The following TYK2 variants were observed in gnomAD, a reference collection of about 807,000 sequenced individuals.
TYK2 encodes the protein tyrosine kinase 2.
Under a neutral mutation model 130.9 loss-of-function variants are expected in TYK2, and 65 were observed. That is an observed-to-expected ratio of 0.50 (90% CI 0.41 to 0.61). The LOEUF is 0.61. Among genes scored for constraint, TYK2 ranks in the 20% least tolerant of loss-of-function variants. The probability of loss-of-function intolerance (pLI) is 0.00; values close to 1 mark genes in which losing one functional copy is unlikely to be tolerated. For missense variants in TYK2, 1,378 were observed against 1,610.7 expected, an observed-to-expected ratio of 0.86 and a Z score of 2.47; for synonymous variants, 647 against 658.9, an observed-to-expected ratio of 0.98 and a Z score of 0.28.
rs1482240701 is a variant in TYK2, at chr19:10,365,733, C to G, written c.795G>C (p.Arg265=). Residue 265 remains arginine, a synonymous_variant, in exon 7 of 25, where the codon CGG becomes CGC. Transcript: ENST00000525621. ...GCTCTGTGCCGAAGCGGGGTGCCAG[C>G]CGCTCGAGTGTGGCTAGGTATTTGA... ...VMVKYLATLE[R]LAPRFGTERV... is the part of the protein sequence containing the mutation. The G allele has an allele frequency of 6.2e-7, 1 of 1,613,018 alleles. No individual in the cohort carries two copies. The highest frequency in any genetic ancestry group is 8.5e-7 in the Non-Finnish European group (1 of 1,179,832).
chr19:10,363,181 ATCTC>A lies in TYK2; in HGVS notation c.1368-528_1368-525del, dbSNP rs1284836373. Reference sequence around the variant, plus strand: ...ATGAGCCACTGTGCCCGGCTACCTGATCTCTCTTTTTTTTTTTTTTTTTTTTGAG... The same window carrying A: ...ATGAGCCACTGTGCCCGGCTACCTGATCTTTTTTTTTTTTTTTTTTTTGAG... On this transcript the variant is annotated intron_variant, in intron 9 of 24. Coordinates refer to ENST00000525621, the MANE Select transcript of TYK2 (RefSeq NM_003331.5). 3.6e-5 allele frequency among the ~76,000 whole-genome samples: 5 copies of A among 139,650 alleles called. No individual in the cohort carries two copies. In the South Asian group the frequency reaches 9.2e-4, roughly 26 times the overall value. 91.6% of individuals were successfully genotyped at this position (139,650 alleles called of 152,430 possible).
rs756231936 is a variant in TYK2 at position 10,354,208 on chromosome 19, G to A, written c.2742C>T (p.Tyr914=). ...GEGHFGKVSL[Y]CYDPTNDGTG... is the part of the protein sequence containing the mutation. The stretch of plus-strand genomic sequence containing the variant: ...TGCCGTCGTTGGTCGGATCGTAGCA[G>A]TACAAGCTGACCTTGCCGAAGTGAC... The change falls in exon 20 of 25, where the codon TAC becomes TAT. Residue 914 remains tyrosine, a synonymous_variant. Transcript: ENST00000525621. 1.2e-6 allele frequency: 2 copies of A among 1,613,310 alleles called. No homozygotes were observed. The highest frequency in any genetic ancestry group is 8.5e-7 in the Non-Finnish European group (1 of 1,180,014).
At chr19:10,374,977 A>C (rs1199461474) in intron 3 of TYK2, among the ~76,000 whole-genome samples, 4 of 152,012 alleles carry the variant, frequency 2.6e-5, no homozygotes, top group Non-Finnish European at 4.4e-5. Flanking sequence ...TGAGCCCAGG[A>C]GTTTGAGACC....
chr19:10,369,566 A>C (rs567008471), intron 3 of TYK2, among the ~76,000 whole-genome samples: 4 of 150,568 alleles, frequency 2.7e-5, no homozygotes, highest in African/African-American at 9.8e-5. Context: ...CTTATCTTCA[A>C]CCTCTCCCAC....
chr19:10,363,051 T>C (rs1307589792), intron 9 of TYK2, among the ~76,000 whole-genome samples: 1 of 151,894 alleles, frequency 6.6e-6, no homozygotes, highest in Non-Finnish European at 1.5e-5. Flanking sequence ...AATTTTTATA[T>C]TTTTAGTACA....
chr19:10,358,286 T>A, intron 15 of TYK2, 148 bp from the exon 16 acceptor site: 1 of 737,516 alleles, frequency 1.4e-6, no homozygotes, highest in East Asian at 2.8e-5. Flanking sequence ...GGGGGTTATT[T>A]TTTTCTTGTT....
chr19:10,365,924 G>A, intron 6 of TYK2, 26 bp from the exon 7 acceptor site: 1 of 1,583,408 alleles, frequency 6.3e-7, no homozygotes, highest in South Asian at 1.2e-5. Context: ...GTGAGGGGCT[G>A]GTCAGGGACC....
In TYK2 at chr19:10,359,217, C is replaced by T. The variant is rs2041266554; in HGVS notation, c.2133G>A (p.Lys711=). The T allele has an allele frequency of 5.6e-6, 9 of 1,608,634 alleles. No homozygotes were observed. Among genetic ancestry groups the T allele is most frequent in the Non-Finnish European group, 7.6e-6 (9 of 1,179,924 alleles). ...TGGCCAGCTGCTGGGCCACCACCAT[C>T]TTCCAAGCCATGGGCACATGGCCCC... The part of the protein sequence containing the change: ...RERGHVPMAW[K]MVVAQQLASA... The change falls in exon 15 of 25, where the codon AAG becomes AAA. Residue 711 remains lysine (K), a synonymous_variant. Coordinates refer to ENST00000525621, the MANE Select transcript of TYK2 (RefSeq NM_003331.5).
chr19:10,357,916 G>A lies in TYK2; in HGVS notation c.2314C>T (p.Arg772Trp), dbSNP rs755089851. Residue 772 changes from arginine to tryptophan, a missense_variant and splice_region_variant, in exon 17 of 25, where the codon CGG (arginine) becomes TGG (tryptophan). By Grantham distance (101) the Arg-to-Trp change is moderately radical (BLOSUM62 -3). Transcript: ENST00000525621. The part of the protein sequence containing the change: ...VGLGALSREE[R>W]VERIPWLAPE... Reference sequence around the variant, plus strand: ...GCCAGCCAGGGGATCCTCTCCACCCGCTCTGGGAGGCCAAGGTCAGAGGTC... The same window carrying A: ...GCCAGCCAGGGGATCCTCTCCACCCACTCTGGGAGGCCAAGGTCAGAGGTC... 25 of 1,613,394 alleles carry A rather than the reference G, an allele frequency of 1.5e-5. No individual in the cohort carries two copies. Among genetic ancestry groups the A allele is most frequent in the Middle Eastern group, 1.6e-4 (1 of 6,080 alleles).
chr19:10,366,610 G>A (rs1354513044), intron 5 of TYK2, 30 bp from the exon 6 acceptor site: 4 of 1,613,786 alleles, frequency 2.5e-6, no homozygotes, highest in Middle Eastern at 1.6e-4. Context: ...CAGAAAGGGA[G>A]GTGTGAGAAT....
intron 14 of TYK2, among the ~76,000 whole-genome samples, chr19:10,359,662 A>G (rs1271383266): frequency 2.7e-5 from 4 of 150,604 alleles, no homozygotes; most frequent in South Asian, 2.1e-4. Flanking sequence ...CCTGCCCAAC[A>G]TGATGAAACT....
At chr19:10,362,481 A>G (rs1239506859) in intron 10 of TYK2, 25 bp from the exon 11 acceptor site, 1 of 1,575,604 alleles carries the variant, frequency 6.3e-7, no homozygotes, top group Non-Finnish European at 8.6e-7. Context: ...CAGAGGTGGG[A>G]GCAGTAAGCA....
chr19:10,357,947 G>C (rs749131882), intron 16 of TYK2, 29 bp from the exon 17 acceptor site: 2 of 1,613,504 alleles, frequency 1.2e-6, no homozygotes, highest in Admixed American at 1.7e-5. Flanking sequence ...AGGTCACCAA[G>C]GGTGAAAGGA....
Position 10,378,224 on chromosome 19 carries a change from T to A in TYK2, c.183A>T (p.Ala61=). The A allele has an allele frequency of 6.2e-7, 1 of 1,612,804 alleles. No individual in the cohort carries two copies. The highest frequency in any genetic ancestry group is 8.5e-7 in the Non-Finnish European group (1 of 1,179,908). Residue 61 remains alanine (A), a synonymous_variant, in exon 3 of 25, where the codon GCA becomes GCT. Transcript: ENST00000525621. ...ACGCCCCAGACTCACCAACTTTATG[T>A]GCAATGTGGATGCAGACTTCCTCAG... The part of the protein sequence containing the change: ...LTAEEVCIHI[A]HKVGITPPCF...
intron 3 of TYK2, among the ~76,000 whole-genome samples, chr19:10,373,615 C>T (rs1016290651): frequency 6.6e-6 from 1 of 151,970 alleles, no homozygotes; most frequent in African/African-American, 2.4e-5. Context: ...ACAGGCGTGA[C>T]CCACTGTGCC....
At chr19:10,363,082 G>C (rs1377414100) in intron 9 of TYK2, among the ~76,000 whole-genome samples, 3 of 151,838 alleles carry the variant, frequency 2.0e-5, no homozygotes, top group Non-Finnish European at 4.4e-5. Context: ...CACCATGTTA[G>C]CCAGCCTGGT....
At chr19:10,377,388 GTGGGTGGGTGGGTGGATGGATGGA>G (rs1420689469) in intron 3 of TYK2, among the ~76,000 whole-genome samples, 12 of 106,794 alleles carry the variant, frequency 1.1e-4, no homozygotes, top group African/African-American at 3.2e-4. Context: ...GGATGAATAG[GTGGGTGGGTGGGTGGATGGATGGA>G]TGGATGGATG....
intron 3 of TYK2, among the ~76,000 whole-genome samples, chr19:10,375,688 G>A (rs549500727): frequency 2.0e-5 from 3 of 150,268 alleles, no homozygotes; most frequent in Non-Finnish European, 4.4e-5. Flanking sequence ...GGGCCGAGGC[G>A]GGCAGATCAC....
Position 10,364,923 on chromosome 19 carries a change from G to C in TYK2, c.1137C>G (p.Asp379Glu). The change falls in exon 8 of 25, where the codon GAC becomes GAG. Residue 379 changes from aspartate (D) to glutamate (E), a missense_variant. By Grantham distance (45) the Asp-to-Glu change is conservative. Transcript: ENST00000525621. The surrounding 1 kb of genome is among the most constrained non-coding windows in gnomAD (Gnocchi z 4.9). ...PREPLWAYFC[D>E]FRDITHVVLK... is the part of the protein sequence containing the mutation. The stretch of plus-strand genomic sequence containing the variant: ...GCACCACGTGGGTGATGTCCCGGAA[G>C]TCACAGAAGTAGGCCCACAGTGGCT... 1 of 1,614,232 alleles carries C rather than the reference G, an allele frequency of 6.2e-7. No homozygotes were observed. Among genetic ancestry groups the C allele is most frequent in the South Asian group, 1.1e-5 (1 of 91,090 alleles).
Sources: allele counts gnomAD v4.1 joint callset (sites outside exome capture counted in the v4.1 genomes callset), GRCh38; gene constraint gnomAD v4.1.1; non-coding constraint Gnocchi (gnomAD v3.1); transcripts MANE v1.5; gene names NCBI Gene and HGNC (gene_info 2026-07-23, HGNC 2026-07-21).